Variants in PDE4D observed in about 807,000 individuals in gnomAD.
PDE4D encodes 3',5'-cyclic-AMP phosphodiesterase 4D.
A neutral mutation model predicts 87.4 loss-of-function variants in PDE4D; 24 were observed. That is an observed-to-expected ratio of 0.27 (90% CI 0.20 to 0.39). The LOEUF is 0.39. PDE4D is among the 10% of genes least tolerant of loss of function. The pLI, the probability that PDE4D is intolerant of heterozygous loss-of-function variation, is 1.00. For synonymous variants in PDE4D, 384 were observed against 383.2 expected (o/e 1.00, Z -0.02); for missense variants, 714 against 1,041.0 (o/e 0.69, Z 4.32).
chr5:59,518,380 T>C (rs1811559615), intron 1 of PDE4D, among the ~76,000 whole-genome samples: 2 of 152,160 alleles, frequency 1.3e-5, no homozygotes, highest in Admixed American at 1.3e-4. Context: ...TCTTATTGTG[T>C]AGCTGAGTCA....
At chr5:58,989,029 G>C (rs1381258429) in intron 10 of PDE4D, among the ~76,000 whole-genome samples, 4 of 152,138 alleles carry the variant, frequency 2.6e-5, no homozygotes, top group Non-Finnish European at 4.4e-5. Context: ...CTCTTTGCGT[G>C]GGAGGCTGTC....
chr5:59,546,078 C>A (rs1476093952), intron 1 of PDE4D, among the ~76,000 whole-genome samples: 1 of 152,094 alleles, frequency 6.6e-6, no homozygotes, highest in Non-Finnish European at 1.5e-5. Flanking sequence ...AATTCCCTTT[C>A]ATTCACAGCT....
At chr5:59,804,582 T>A (rs1394063216) in intron 1 of PDE4D, among the ~76,000 whole-genome samples, 1 of 152,060 alleles carries the variant, frequency 6.6e-6, no homozygotes, top group Admixed American at 6.5e-5. Context: ...AAAAATACAA[T>A]CACCCAAAAC....
intron 11 of PDE4D, 28 bp downstream of exon 11, chr5:58,988,465 G>T: frequency 2.1e-6 from 2 of 948,358 alleles, no homozygotes; most frequent in Non-Finnish European, 3.1e-6. Context: ...AGGGAAAAAT[G>T]TGTTCTGAAA....
At chr5:59,659,753 CCTT>C (rs1406858733) in intron 1 of PDE4D, among the ~76,000 whole-genome samples, 1 of 152,216 alleles carries the variant, frequency 6.6e-6, no homozygotes, top group Admixed American at 6.5e-5. Flanking sequence ...AAAGGGCAAT[CCTT>C]CTGCTACAGT....
chr5:59,587,669 A>T (rs1276715324), intron 1 of PDE4D: 1 of 969,710 alleles, frequency 1.0e-6, no homozygotes, highest in Non-Finnish European at 1.2e-6. Context: ...CTGACAGGGG[A>T]TGTGCTGGCG....
intron 1 of PDE4D, among the ~76,000 whole-genome samples, chr5:59,798,509 TG>T (rs1766764405): frequency 6.6e-6 from 1 of 152,068 alleles, no homozygotes; most frequent in Non-Finnish European, 1.5e-5. Context: ...AAGCACTAAA[TG>T]CCATTAAGTA....
chr5:60,393,348 T>C (rs903709490), intron 1 of PDE4D, among the ~76,000 whole-genome samples: 1 of 152,180 alleles, frequency 6.6e-6, no homozygotes, highest in African/African-American at 2.4e-5. Flanking sequence ...TCTTTAAGCA[T>C]CGCACATTGT....
At chr5:59,174,250 C>T (rs1416048463) in intron 5 of PDE4D, 7 of 152,172 alleles carry the variant, frequency 4.6e-5, no homozygotes, top group Admixed American at 1.3e-4. Context: ...TAATTTTCTA[C>T]GTGCCAATTG....
intron 1 of PDE4D, among the ~76,000 whole-genome samples, chr5:59,293,899 C>T (rs17723785): frequency 5.9e-5 from 9 of 152,234 alleles, no homozygotes; most frequent in African/African-American, 2.2e-4. Flanking sequence ...TCTCTTCATA[C>T]TCAGCTCTGC....
At chr5:59,825,308 C>A (rs1770192002) in intron 1 of PDE4D, among the ~76,000 whole-genome samples, 1 of 152,170 alleles carries the variant, frequency 6.6e-6, no homozygotes, top group African/African-American at 2.4e-5. Context: ...TAACCCAGGC[C>A]TACGCTGAAG....
At chr5:59,545,649 G>C (rs1417618017) in intron 1 of PDE4D, among the ~76,000 whole-genome samples, 1 of 152,134 alleles carries the variant, frequency 6.6e-6, no homozygotes, top group Non-Finnish European at 1.5e-5. Context: ...AATTACTCTA[G>C]CATCAATTTT....
chr5:60,148,266 C>G lies in PDE4D; in HGVS notation c.42+37291G>C, dbSNP rs373201205. On this transcript the variant is annotated intron_variant, in intron 2 of 16. Coordinates refer to the PDE4D transcript ENST00000502484. The stretch of plus-strand genomic sequence containing the variant: ...CTTCCCAAGAGAATGTACAGTTGAC[C>G]CTCTATATTAGTAGGTTCTTCATCC... Among the ~76,000 whole-genome samples, 23 of 152,130 alleles carry G rather than the reference C, an allele frequency of 1.5e-4. 1 individual carries two copies. The East Asian group carries it at 3.5e-3, about 23-fold the overall frequency.
chr5:59,202,006 G>A (rs1747532770), intron 2 of PDE4D, among the ~76,000 whole-genome samples: 1 of 140,708 alleles, frequency 7.1e-6, no homozygotes, highest in African/African-American at 2.7e-5. Flanking sequence ...GTATATCTGT[G>A]TATGCAGCTT....
intron 1 of PDE4D, among the ~76,000 whole-genome samples, chr5:59,509,172 C>A (rs1367770253): frequency 3.3e-5 from 5 of 151,596 alleles, no homozygotes; most frequent in Non-Finnish European, 7.4e-5. Context: ...TTTCAAAGCA[C>A]CCAAAAAGAA....
At chr5:60,159,149 G>C (rs1443948890) in intron 2 of PDE4D, among the ~76,000 whole-genome samples, 1 of 152,066 alleles carries the variant, frequency 6.6e-6, no homozygotes, top group Non-Finnish European at 1.5e-5. Flanking sequence ...GCCTACACAG[G>C]ATAAGGATCA....
upstream of PDE4D, among the ~76,000 whole-genome samples, chr5:59,895,732 A>G (rs1440489013): frequency 6.6e-6 from 1 of 152,220 alleles, no homozygotes; most frequent in African/African-American, 2.4e-5. Flanking sequence ...TTTCGCCTCA[A>G]TATAACTGTG....
intron 1 of PDE4D, among the ~76,000 whole-genome samples, chr5:59,714,090 T>TA (rs1007627755): frequency 5.3e-5 from 8 of 151,870 alleles, no homozygotes; most frequent in Non-Finnish European, 8.8e-5. Context: ...GTCTGCACTG[T>TA]AAAAAAGGGG....
At chr5:59,105,435 AC>A (rs1193174465) in intron 5 of PDE4D, among the ~76,000 whole-genome samples, 4 of 152,204 alleles carry the variant, frequency 2.6e-5, no homozygotes, top group Non-Finnish European at 4.4e-5. Context: ...GGTTGTAGGT[AC>A]CATCAAATTC....
Sources: gnomAD v4.1 joint callset for allele counts (sites outside exome capture counted in the v4.1 genomes callset) on GRCh38, gnomAD v4.1.1 for gene constraint, MANE v1.5 for transcripts, NCBI Gene and HGNC (gene_info 2026-07-23, HGNC 2026-07-21) for gene names.